Variants in NAV1 observed in about 807,000 individuals in gnomAD.
NAV1 encodes pore membrane and/or filament interacting like protein 3.
Under a neutral mutation model 175.2 loss-of-function variants are expected in NAV1, and 18 were observed. The observed-to-expected ratio is 0.10, with a 90% confidence interval of 0.07 to 0.15. The LOEUF (loss-of-function observed/expected upper bound fraction) is 0.15. NAV1 is among the 10% of genes least tolerant of loss of function. NAV1 has a pLI of 1.00. For missense variants in NAV1, 1,731 were observed against 2,436.6 expected (o/e 0.71, Z 6.10); for synonymous variants, 897 against 978.7 (o/e 0.92, Z 1.56).
chr1:201,803,244 AGAAAAATCAT>A, intron 15 of NAV1, among the ~76,000 whole-genome samples: 1 of 152,354 alleles, frequency 6.6e-6, no homozygotes, highest in East Asian at 1.9e-4. Flanking sequence ...AAGTATTGCT[AGAAAAATCAT>A]GAAAAATGGT....
chr1:201,785,377 C>T, intron 8 of NAV1, 26 bp downstream of exon 12: 2 of 1,609,320 alleles, frequency 1.2e-6, no homozygotes, highest in African/African-American at 1.3e-5. Context: ...GTTTTTTCTT[C>T]CCTATAAATG....
intron 1 of NAV1, among the ~76,000 whole-genome samples, chr1:201,554,265 A>G (rs562671705): frequency 7.2e-5 from 11 of 152,292 alleles, no homozygotes; most frequent in African/African-American, 2.2e-4. Context: ...GCAAGACTGG[A>G]GCCTGTGGTG....
intron 3 of NAV1, among the ~76,000 whole-genome samples, chr1:201,779,617 A>AAAAAAAAAAAAAAAAC (rs1676187521): frequency 6.6e-6 from 1 of 150,756 alleles, no homozygotes; most frequent in African/African-American, 2.5e-5. Flanking sequence ...AAAAAAAAAA[A>AAAAAAAAAAAAAAAAC]AAAAGAACAG....
intron 2 of NAV1, among the ~76,000 whole-genome samples, chr1:201,592,963 C>T (rs1489805287): frequency 1.3e-5 from 2 of 152,156 alleles, no homozygotes; most frequent in Non-Finnish European, 2.9e-5. Flanking sequence ...AGTCACATCT[C>T]ACTCCCTGTT....
Position 201,718,353 on chromosome 1 carries a change from G to T in NAV1, c.861-37G>T. ...AGGGGACAGGGCACACGGCGGCTGT[G>T]CCAAGGACTAAGTAGTGCCTTCTGC... On this transcript the variant is annotated intron_variant, in intron 2 of 29. Coordinates refer to ENST00000367296, the Ensembl canonical transcript of NAV1. This position sits in a 1 kb window ranked among gnomAD's most constrained non-coding sequence, Gnocchi z 4.8. 1 of 1,497,998 alleles carries T rather than the reference G, an allele frequency of 6.7e-7. No individual in the cohort carries two copies. The highest frequency in any genetic ancestry group is 8.9e-7 in the Non-Finnish European group (1 of 1,121,846). The allele number at this position is 1,497,998 out of a possible 1,614,324, so 92.8% of individuals were successfully genotyped here.
upstream of NAV1, among the ~76,000 whole-genome samples, chr1:201,618,646 T>A (rs944593577): frequency 6.6e-6 from 1 of 151,904 alleles, no homozygotes; most frequent in Non-Finnish European, 1.5e-5. Context: ...AGCCTCAGAG[T>A]CCTGTCCATC....
At chr1:201,653,800 G>A (rs1247120234) in intron 1 of NAV1, among the ~76,000 whole-genome samples, 1 of 152,210 alleles carries the variant, frequency 6.6e-6, no homozygotes, top group Non-Finnish European at 1.5e-5. Context: ...TGGAATCACA[G>A]GCAGGAGGAA....
chr1:201,563,532 AGGAAGAACCCAGAATCT>A (rs1205969760), intron 1 of NAV1, among the ~76,000 whole-genome samples: 2 of 152,054 alleles, frequency 1.3e-5, no homozygotes, highest in African/African-American at 4.8e-5. Flanking sequence ...ATCAGAGGTA[AGGAAGAACCCAGAATCT>A]GGAATTGGAT....
At chr1:201,729,549 G>C (rs748126259) in intron 3 of NAV1, among the ~76,000 whole-genome samples, 1 of 151,926 alleles carries the variant, frequency 6.6e-6, no homozygotes, top group Non-Finnish European at 1.5e-5. Flanking sequence ...GCTGAGGCAC[G>C]AGAATTGCTT....
intron 1 of NAV1, among the ~76,000 whole-genome samples, chr1:201,667,542 C>T (rs969494759): frequency 6.6e-6 from 1 of 152,180 alleles, no homozygotes; most frequent in African/African-American, 2.4e-5. Context: ...AGGTCTCCTG[C>T]CATCTATTCC....
chr1:201,740,319 GT>G lies in NAV1; in HGVS notation c.1226+21565del, dbSNP rs937378551. Reference sequence around the variant, plus strand: ...GGCTTACGGGCATCTGGGGCTGGGAGTGGGTGTGTGGAGGGCTCTAGGGAGT... The same window carrying G: ...GGCTTACGGGCATCTGGGGCTGGGAGGGGTGTGTGGAGGGCTCTAGGGAGT... On this transcript the variant is annotated intron_variant, in intron 3 of 29. Coordinates refer to ENST00000367296, the Ensembl canonical transcript of NAV1. This position sits in a 1 kb window ranked among gnomAD's most constrained non-coding sequence, Gnocchi z 4.7. Among the ~76,000 whole-genome samples, 3 of 152,372 alleles carry G rather than the reference GT, an allele frequency of 2.0e-5. No individual in the cohort carries two copies. Among genetic ancestry groups the G allele is most frequent in the African/African-American group, 7.2e-5 (3 of 41,586 alleles).
chr1:201,599,475 A>G (rs1667458960), intron 2 of NAV1, among the ~76,000 whole-genome samples: 1 of 152,208 alleles, frequency 6.6e-6, no homozygotes, highest in Admixed American at 6.5e-5. Flanking sequence ...GTAAGCACAG[A>G]GCACAAAATG....
intron 1 of NAV1, among the ~76,000 whole-genome samples, chr1:201,698,180 A>T (rs917462715): frequency 6.6e-6 from 1 of 152,130 alleles, no homozygotes; most frequent in Admixed American, 6.5e-5. Context: ...CTGTGGTCAG[A>T]TTCATTCTTT....
chr1:201,646,497 G>C (rs1668982433), upstream of NAV1, among the ~76,000 whole-genome samples: 1 of 152,116 alleles, frequency 6.6e-6, no homozygotes, highest in Admixed American at 6.5e-5. Context: ...TTCCCTGCCA[G>C]ACAGGAAATA....
intron 3 of NAV1, among the ~76,000 whole-genome samples, chr1:201,728,758 C>T (rs1272312956): frequency 1.3e-5 from 2 of 152,190 alleles, no homozygotes; most frequent in African/African-American, 4.8e-5. Context: ...AGCCACTACA[C>T]CCAGCCTCCT....
At chr1:201,592,700 T>C (rs769995861) in intron 2 of NAV1, among the ~76,000 whole-genome samples, 3 of 151,848 alleles carry the variant, frequency 2.0e-5, no homozygotes, top group Non-Finnish European at 2.9e-5. Context: ...AAGGAGGAGA[T>C]AATCAATTGT....
intron 2 of NAV1, among the ~76,000 whole-genome samples, chr1:201,638,275 C>A (rs1238746961): frequency 6.6e-6 from 1 of 152,164 alleles, no homozygotes. Flanking sequence ...GACCAAGACC[C>A]CAGGACATAG....
intron 3 of NAV1, chr1:201,739,736 A>G: frequency 8.7e-7 from 1 of 1,152,694 alleles, no homozygotes; most frequent in Non-Finnish European, 1.1e-6. Flanking sequence ...CTCTTTGTCT[A>G]CCTGCTCTGG....
intron 1 of NAV1, among the ~76,000 whole-genome samples, chr1:201,702,704 C>T (rs867977058): frequency 0.055 from 8,274 of 149,208 alleles, 644 homozygotes; most frequent in Admixed American, 0.14. Flanking sequence ...CTCTCTCTCT[C>T]TCTCTCTCTC....
Sources: gnomAD v4.1 joint callset for allele counts (sites outside exome capture counted in the v4.1 genomes callset) on GRCh38, gnomAD v4.1.1 for gene constraint, Gnocchi (gnomAD v3.1) non-coding constraint, MANE v1.5 for transcripts, NCBI Gene and HGNC (gene_info 2026-07-23, HGNC 2026-07-21) for gene names.